The following XRCC4 variants were observed in gnomAD, a reference collection of about 807,000 sequenced individuals.
XRCC4 encodes DNA repair protein XRCC4.
A neutral mutation model predicts 39.1 loss-of-function variants in XRCC4; 28 were observed. That is an observed-to-expected ratio of 0.72 (90% CI 0.53 to 0.98). XRCC4 has a LOEUF of 0.98. Ranked by LOEUF, XRCC4 falls within the 50% of genes least tolerant of loss-of-function variation. XRCC4 has a pLI of 0.00. For synonymous variants in XRCC4, 123 were observed against 126.4 expected, an observed-to-expected ratio of 0.97 and a Z score of 0.18; for missense variants, 350 against 376.4, an observed-to-expected ratio of 0.93 and a Z score of 0.58.
chr5:83,286,995 A>G (rs1035300388), intron 7 of XRCC4, among the ~76,000 whole-genome samples: 16 of 152,116 alleles, frequency 1.1e-4, no homozygotes, highest in African/African-American at 3.6e-4. Flanking sequence ...GCCACCAATA[A>G]TAAATTCATT....
intron 6 of XRCC4, among the ~76,000 whole-genome samples, chr5:83,237,480 G>A (rs1752734153): frequency 6.6e-6 from 1 of 152,000 alleles, no homozygotes; most frequent in African/African-American, 2.4e-5. Flanking sequence ...AATACTGCAT[G>A]TTCTCATTCA....
chr5:83,261,766 T>G (rs1753760860), intron 7 of XRCC4, among the ~76,000 whole-genome samples: 1 of 151,974 alleles, frequency 6.6e-6, no homozygotes, highest in Non-Finnish European at 1.5e-5. Context: ...TTCACCACTT[T>G]CAAAACATGA....
intron 6 of XRCC4, among the ~76,000 whole-genome samples, chr5:83,205,500 A>G (rs369964971): frequency 6.6e-6 from 1 of 152,130 alleles, no homozygotes; most frequent in East Asian, 1.9e-4. Context: ...TATTTTTTAA[A>G]ATGTTTTATA....
intron 3 of XRCC4, among the ~76,000 whole-genome samples, chr5:83,143,684 T>A (rs1303051311): frequency 6.6e-6 from 1 of 152,148 alleles, no homozygotes; most frequent in Non-Finnish European, 1.5e-5. Context: ...GAAGGACCTT[T>A]TCTCTGAACA....
In XRCC4 at chr5:83,353,339, C is replaced by T. The variant is rs368602293; in HGVS notation, c.*97C>T. The T allele has an allele frequency of 1.7e-5, 16 of 921,956 alleles. 1 individual carries two copies. Among genetic ancestry groups the T allele is most frequent in the African/African-American group, 3.4e-5 (2 of 58,788 alleles). The allele number at this position is 921,956 out of a possible 1,614,324, so 57.1% of individuals were successfully genotyped here. The stretch of plus-strand genomic sequence containing the variant: ...ATTTCAAGTCAGCAGCCGCTATTAC[C>T]GTATCTTACAATTTAATTACATACA... On this transcript the variant is annotated 3_prime_UTR_variant, in exon 8 of 8. Transcript: ENST00000396027.
At chr5:83,337,604 T>A (rs1194872045) in intron 7 of XRCC4, among the ~76,000 whole-genome samples, 1 of 152,124 alleles carries the variant, frequency 6.6e-6, no homozygotes, top group African/African-American at 2.4e-5. Context: ...CTCAGCCTTG[T>A]TTCCACCCCA....
intron 3 of XRCC4, among the ~76,000 whole-genome samples, chr5:83,192,526 G>A (rs2731843): frequency 0.36 from 55,012 of 151,564 alleles, 10,596 homozygotes; most frequent in Non-Finnish European, 0.43. Flanking sequence ...GCCCAGGCTG[G>A]TCTCAAACTC....
chr5:83,095,306 C>G (rs1215691774), intron 1 of XRCC4, among the ~76,000 whole-genome samples: 1 of 152,076 alleles, frequency 6.6e-6, no homozygotes, highest in African/African-American at 2.4e-5. Flanking sequence ...TCAGCCTTGG[C>G]CACAGGGTGT....
At chr5:83,151,339 G>T (rs1313524399) in intron 3 of XRCC4, among the ~76,000 whole-genome samples, 1 of 152,078 alleles carries the variant, frequency 6.6e-6, no homozygotes, top group Non-Finnish European at 1.5e-5. Context: ...TATTAGGCAG[G>T]TGGCTTTCCT....
intron 1 of XRCC4, among the ~76,000 whole-genome samples, chr5:83,099,954 T>G (rs1745852141): frequency 6.6e-6 from 1 of 152,308 alleles, no homozygotes; most frequent in Non-Finnish European, 1.5e-5. Flanking sequence ...CAAGTCATCT[T>G]TTTTTCTGTT....
At chr5:83,089,728 A>G (rs1281186810) in intron 1 of XRCC4, among the ~76,000 whole-genome samples, 1 of 152,172 alleles carries the variant, frequency 6.6e-6, no homozygotes, top group Admixed American at 6.5e-5. Flanking sequence ...TAGAAAAAAA[A>G]ATTATTTTTA....
intron 6 of XRCC4, among the ~76,000 whole-genome samples, chr5:83,244,540 G>A (rs568876635): frequency 3.3e-5 from 5 of 151,626 alleles, no homozygotes; most frequent in African/African-American, 1.2e-4. Context: ...CTTTGTGCAT[G>A]TGCAGCTTAA....
chr5:83,267,483 T>C (rs183663960), intron 7 of XRCC4, among the ~76,000 whole-genome samples: 3 of 152,186 alleles, frequency 2.0e-5, no homozygotes, highest in Non-Finnish European at 4.4e-5. Flanking sequence ...TAATGAGATA[T>C]AAATGGAAAT....
chr5:83,164,164 TAA>T (rs1200401536), intron 3 of XRCC4, among the ~76,000 whole-genome samples: 1 of 152,164 alleles, frequency 6.6e-6, no homozygotes, highest in Non-Finnish European at 1.5e-5. Flanking sequence ...GCTATCTATA[TAA>T]GAAATTAGTG....
chr5:83,165,468 T>C (rs975065459), intron 3 of XRCC4, among the ~76,000 whole-genome samples: 2 of 152,194 alleles, frequency 1.3e-5, no homozygotes, highest in Admixed American at 1.3e-4. Flanking sequence ...TCAGGCCATT[T>C]ATTTATTTAT....
intron 3 of XRCC4, among the ~76,000 whole-genome samples, chr5:83,132,105 G>C (rs573664040): frequency 1.3e-5 from 2 of 152,238 alleles, no homozygotes; most frequent in South Asian, 2.1e-4. Flanking sequence ...GCATTTGCTT[G>C]TCTGTAAAGT....
At chr5:83,348,711 C>T (rs1446793049) in intron 7 of XRCC4, among the ~76,000 whole-genome samples, 1 of 152,248 alleles carries the variant, frequency 6.6e-6, no homozygotes, top group East Asian at 1.9e-4. Flanking sequence ...CAAATTTCTG[C>T]AGCCTTGAAT....
At chr5:83,303,538 A>C (rs966178888) in intron 7 of XRCC4, among the ~76,000 whole-genome samples, 95 of 152,202 alleles carry the variant, frequency 6.2e-4, no homozygotes, top group African/African-American at 2.2e-3. Context: ...GGAAAGTAGT[A>C]ACAACAATTT....
intron 1 of XRCC4, among the ~76,000 whole-genome samples, chr5:83,094,630 C>G (rs1220545827): frequency 1.3e-5 from 2 of 150,830 alleles, no homozygotes; most frequent in Non-Finnish European, 3.0e-5. Flanking sequence ...TCATTTTGTT[C>G]ATGTATTTTC....
Sources: gnomAD v4.1 joint callset for allele counts (sites outside exome capture counted in the v4.1 genomes callset) on GRCh38, gnomAD v4.1.1 for gene constraint, MANE v1.5 for transcripts, NCBI Gene and HGNC (gene_info 2026-07-23, HGNC 2026-07-21) for gene names.